The following HCAR2 variants were observed in gnomAD, a reference collection of about 807,000 sequenced individuals.
HCAR2 encodes the protein hydroxycarboxylic acid receptor 2, also known as G protein-coupled receptor HM74a.
For missense variants in HCAR2, 346 were observed against 476.6 expected (o/e 0.73, Z 2.55); for synonymous variants, 156 against 189.4 (o/e 0.82, Z 1.45).
chr12:122,702,479 ACACTT>A lies in HCAR2; in HGVS notation c.800_804del (p.Glu267ValfsTer52), dbSNP rs1877103156. On this transcript the variant is annotated frameshift_variant, in exon 1 of 1. Coordinates refer to ENST00000328880, the MANE Select transcript of HCAR2 (RefSeq NM_177551.4). LOFTEE classifies it low-confidence loss of function (END_TRUNC). ...AAGAACGCCAGGTCCACCGAGCGGT[ACACTT>A]CACAATTCTGCGTGCCCGAAGTGTG... The A allele has an allele frequency of 1.2e-6, 2 of 1,614,026 alleles. No individual in the cohort carries two copies. Among genetic ancestry groups the A allele is most frequent in the South Asian group, 2.2e-5 (2 of 91,080 alleles).
At position 122,702,449 on chromosome 12, in the gene HCAR2, T is replaced by A; in HGVS notation, c.835A>T (p.Thr279Ser). ...YRSVDLAFFI[T>S]LSFTYMNSML... ...CTGTTCATGTAGGTGAAGCTGAGAG[T>A]GATAAAGAACGCCAGGTCCACCGAG... The change falls in exon 1 of 1, where the codon ACT becomes TCT. Residue 279 changes from threonine to serine, a missense_variant. By Grantham distance (58) the Thr-to-Ser change is moderately conservative. Transcript: ENST00000328880. The A allele has an allele frequency of 6.2e-7, 1 of 1,613,808 alleles. No individual in the cohort carries two copies.
rs1258356557 is a variant in HCAR2 at position 122,701,469 on chromosome 12, C to T, written c.*723G>A. On this transcript the variant is annotated 3_prime_UTR_variant, in exon 1 of 1. Coordinates refer to ENST00000328880, the MANE Select transcript of HCAR2 (RefSeq NM_177551.4). ...TTCTATCCTGAAGCCGTTTTAACTG[C>T]CCAACCCTTAGATTACTATAAACAA... 2.0e-5 allele frequency: 3 copies of T among 152,410 alleles called. No homozygotes were observed. Among genetic ancestry groups the T allele is most frequent in the Non-Finnish European group, 2.9e-5 (2 of 68,220 alleles). 9.4% of individuals were successfully genotyped at this position (152,410 alleles called of 1,614,324 possible).
At position 122,702,102 on chromosome 12, in the gene HCAR2, G is replaced by A. The variant is rs748086521; in HGVS notation, c.*90C>T. Reference sequence around the variant, plus strand: ...TGGAAGTTCCAGGAAACCTTAGGCCGAGTCCAGTGACATTACTCGATGCAA... The same window carrying A: ...TGGAAGTTCCAGGAAACCTTAGGCCAAGTCCAGTGACATTACTCGATGCAA... On this transcript the variant is annotated 3_prime_UTR_variant, in exon 1 of 1. Coordinates refer to ENST00000328880, the MANE Select transcript of HCAR2 (RefSeq NM_177551.4). 1.1e-5 allele frequency: 18 copies of A among 1,587,452 alleles called. No individual in the cohort carries two copies. The highest frequency in any genetic ancestry group is 1.7e-4 in the Middle Eastern group (1 of 5,952).
chr12:122,702,302 T>G lies in HCAR2; in HGVS notation c.982A>C (p.Ser328Arg), dbSNP rs1465153483. 2.5e-6 allele frequency: 4 copies of G among 1,614,118 alleles called. No homozygotes were observed. The South Asian group carries it at 4.4e-5, about 18-fold the overall frequency. The stretch of plus-strand genomic sequence containing the variant: ...TTGGGGTCCCCTGTGAGCTCGACGC[T>G]CGTGCTGCGGTTATTATCTGGCTCA... Reference protein sequence around the residue: ...TGEPDNNRSTSVELTGDPNKT... With the variant: ...TGEPDNNRSTRVELTGDPNKT... Residue 328 changes from serine (S) to arginine (R), a missense_variant, in exon 1 of 1, where the codon AGC becomes CGC. Ser to Arg is a moderately radical substitution (Grantham distance 110, BLOSUM62 -1). Coordinates refer to ENST00000328880, the MANE Select transcript of HCAR2 (RefSeq NM_177551.4).
chr12:122,703,095 C>T lies in HCAR2; in HGVS notation c.189G>A (p.Arg63=). ...CFHLKSWKSS[R]IFLFNLAVAD... The stretch of plus-strand genomic sequence containing the variant: ...CCACTGCCAGGTTGAACAGGAAAAT[C>T]CGGCTGGATTTCCAGGACTTGAGGT... The change falls in exon 1 of 1, where the codon CGG becomes CGA. Residue 63 remains arginine, a synonymous_variant. Transcript: ENST00000328880. The T allele has an allele frequency of 6.2e-7, 1 of 1,614,168 alleles. No individual in the cohort carries two copies. Among genetic ancestry groups the T allele is most frequent in the Non-Finnish European group, 8.5e-7 (1 of 1,180,040 alleles).
chr12:122,703,246 A>G lies in HCAR2; in HGVS notation c.38T>C (p.Ile13Thr), dbSNP rs199911863. The change falls in exon 1 of 1, where the codon ATA (isoleucine) becomes ACA (threonine). Residue 13 changes from isoleucine (I) to threonine (T), a missense_variant. Ile to Thr is a moderately conservative substitution (Grantham distance 89). Transcript: ENST00000328880. ...RHHLQDHFLE[I>T]DKKNCCVFRD... is the part of the protein sequence containing the mutation. The stretch of plus-strand genomic sequence containing the variant: ...GAACACACAGCAGTTCTTCTTGTCT[A>G]TTTCCAGAAAGTGATCCTGCAGATG... 8 of 1,613,944 alleles carry G rather than the reference A, an allele frequency of 5.0e-6. No individual in the cohort carries two copies. The East Asian group carries it at 8.9e-5, about 18-fold the overall frequency.
rs1244421272 is a variant in HCAR2, at chr12:122,702,555, G to A, written c.729C>T (p.Cys243=). The A allele has an allele frequency of 4.3e-6, 7 of 1,614,128 alleles. No homozygotes were observed. The South Asian group carries it at 5.5e-5, about 13-fold the overall frequency. Residue 243 remains cysteine, a synonymous_variant, in exon 1 of 1, where the codon TGC becomes TGT. Transcript: ENST00000328880. ...TCCGCACAACCACGCTGGGAAGGAA[G>A]CAGATGACAAAGACGATGGCCACCA... ...IMVVAIVFVI[C]FLPSVVVRIR... is the part of the protein sequence containing the mutation.
In HCAR2 at chr12:122,702,025, A is replaced by G. The variant is rs1258938611; in HGVS notation, c.*167T>C. The G allele has an allele frequency of 1.7e-6, 2 of 1,194,238 alleles. No homozygotes were observed. Among genetic ancestry groups the G allele is most frequent in the Non-Finnish European group, 1.2e-6 (1 of 844,972 alleles). 74.0% of individuals were successfully genotyped at this position (1,194,238 alleles called of 1,614,324 possible). A position where few individuals can be genotyped will look rare whatever the true frequency, so the allele number is the denominator to read the frequency against. On this transcript the variant is annotated 3_prime_UTR_variant, in exon 1 of 1. Coordinates refer to ENST00000328880, the MANE Select transcript of HCAR2 (RefSeq NM_177551.4). ...AGGATTCCTGCGGTCACACCTTGCAACCAGTCTCCCACTCATCTGCCACCG... is the reference window on the plus strand; with the variant it reads ...AGGATTCCTGCGGTCACACCTTGCAGCCAGTCTCCCACTCATCTGCCACCG...
chr12:122,702,581 C>T lies in HCAR2; in HGVS notation c.703G>A (p.Val235Met). 1 of 1,614,230 alleles carries T rather than the reference C, an allele frequency of 6.2e-7. No individual in the cohort carries two copies. Among genetic ancestry groups the T allele is most frequent in the Non-Finnish European group, 8.5e-7 (1 of 1,180,050 alleles). The change falls in exon 1 of 1, where the codon GTG becomes ATG. Residue 235 changes from valine (V) to methionine (M), a missense_variant. Physicochemically the swap from Val to Met is conservative, Grantham distance 21 (BLOSUM62 1). Coordinates refer to ENST00000328880, the MANE Select transcript of HCAR2 (RefSeq NM_177551.4). ...CAGATGACAAAGACGATGGCCACCA[C>T]CATGATGAAGGTGATGGCTCTCTTG... is the stretch of plus-strand genomic sequence containing the variant. ...KIKRAITFIM[V>M]VAIVFVICFL...
In HCAR2 at chr12:122,702,030, T is replaced by A; in HGVS notation, c.*162A>T. The A allele has an allele frequency of 3.3e-6, 4 of 1,219,676 alleles. No homozygotes were observed. The South Asian group carries it at 4.3e-5, about 13-fold the overall frequency. 75.6% of individuals were successfully genotyped at this position (1,219,676 alleles called of 1,614,324 possible). A position where few individuals can be genotyped will look rare whatever the true frequency, so the allele number is the denominator to read the frequency against. On this transcript the variant is annotated 3_prime_UTR_variant, in exon 1 of 1. Coordinates refer to ENST00000328880, the MANE Select transcript of HCAR2 (RefSeq NM_177551.4). ...TCCTGCGGTCACACCTTGCAACCAG[T>A]CTCCCACTCATCTGCCACCGTTTCC...
At position 122,702,988 on chromosome 12, in the gene HCAR2, G is replaced by A. The variant is rs1877124312; in HGVS notation, c.296C>T (p.Pro99Leu). The change falls in exon 1 of 1, where the codon CCT becomes CTT. Residue 99 changes from proline to leucine, a missense_variant. Physicochemically the swap from Pro to Leu is moderately conservative, Grantham distance 98. Transcript: ENST00000328880. ...CAACATGAAGAGCATCAGCCGGCAA[G>A]GGATGTCCCCAAACTTCCAGTCCCA... ...RRWDWKFGDI[P>L]CRLMLFMLAM... The A allele has an allele frequency of 1.2e-6, 2 of 1,613,970 alleles. No homozygotes were observed. The highest frequency in any genetic ancestry group is 1.1e-5 in the South Asian group (1 of 91,066).
rs757162455 is a variant in HCAR2, at chr12:122,702,329, C to T, written c.955G>A (p.Gly319Ser). The change falls in exon 1 of 1, where the codon GGT becomes AGT. Residue 319 changes from glycine (G) to serine (S), a missense_variant. Physicochemically the swap from Gly to Ser is moderately conservative, Grantham distance 56. Coordinates refer to ENST00000328880, the MANE Select transcript of HCAR2 (RefSeq NM_177551.4). Reference protein sequence around the residue: ...INRCLQRKMTGEPDNNRSTSV... With the variant: ...INRCLQRKMTSEPDNNRSTSV... The stretch of plus-strand genomic sequence containing the variant: ...GTGCTGCGGTTATTATCTGGCTCAC[C>T]TGTCATCTTCCTCTGGAGGCAGCGG... The T allele has an allele frequency of 1.2e-6, 2 of 1,614,196 alleles. No individual in the cohort carries two copies. The highest frequency in any genetic ancestry group is 1.1e-5 in the South Asian group (1 of 91,078).
Position 122,702,303 on chromosome 12 carries a change from C to T in HCAR2, c.981G>A (p.Thr327=), listed in dbSNP as rs142025654. 7.7e-4 allele frequency: 1,239 copies of T among 1,613,216 alleles called. No individual in the cohort carries two copies. The African/African-American group carries it at 0.013, about 17-fold the overall frequency. Residue 327 remains threonine, a synonymous_variant, in exon 1 of 1, where the codon ACG becomes ACA. Transcript: ENST00000328880. ...TGGGGTCCCCTGTGAGCTCGACGCT[C>T]GTGCTGCGGTTATTATCTGGCTCAC... ...MTGEPDNNRS[T]SVELTGDPNK...
rs150040336 is a variant in HCAR2, at chr12:122,702,730, G to C, written c.554C>G (p.Thr185Ser). The C allele has an allele frequency of 6.2e-6, 10 of 1,614,094 alleles. No homozygotes were observed. In the Middle Eastern group the frequency reaches 8.2e-4, roughly 133 times the overall value. ...GAACATGGCTTCGTGCCACTGGAAG[G>C]TATGGCAGATGCTGAAGCTGCTGCA... The part of the protein sequence containing the change: ...NLCSSFSICH[T>S]FQWHEAMFLL... The change falls in exon 1 of 1, where the codon ACC becomes AGC. Residue 185 changes from threonine to serine, a missense_variant. Coordinates refer to ENST00000328880, the MANE Select transcript of HCAR2 (RefSeq NM_177551.4).
In HCAR2 at chr12:122,702,116, T is replaced by G. The variant is rs777854688; in HGVS notation, c.*76A>C. The G allele has an allele frequency of 1.9e-6, 3 of 1,604,908 alleles. No homozygotes were observed. The highest frequency in any genetic ancestry group is 1.7e-6 in the Non-Finnish European group (2 of 1,176,302). The stretch of plus-strand genomic sequence containing the variant: ...AACCTTAGGCCGAGTCCAGTGACAT[T>G]ACTCGATGCAACAGCCCAACTGTTT... On this transcript the variant is annotated 3_prime_UTR_variant, in exon 1 of 1. Transcript: ENST00000328880.
At position 122,701,681 on chromosome 12, in the gene HCAR2, T is replaced by C. The variant is rs566466824; in HGVS notation, c.*511A>G. On this transcript the variant is annotated 3_prime_UTR_variant, in exon 1 of 1. Coordinates refer to ENST00000328880, the MANE Select transcript of HCAR2 (RefSeq NM_177551.4). ...TTTCTGCTAAAGCTTGTCTGAAAGA[T>C]GAATTGGTCCACGGAAGCCAGGTGA... 427 of 182,368 alleles carry C rather than the reference T, an allele frequency of 2.3e-3. No homozygotes were observed. The highest frequency in any genetic ancestry group is 4.1e-3 in the Non-Finnish European group (353 of 85,174). The allele number at this position is 182,368 out of a possible 1,614,324, so 11.3% of individuals were successfully genotyped here.
chr12:122,702,468 C>G lies in HCAR2; in HGVS notation c.816G>C (p.Val272=). ...GTQNCEVYRS[V]DLAFFITLSF... ...TGAGAGTGATAAAGAACGCCAGGTC[C>G]ACCGAGCGGTACACTTCACAATTCT... The change falls in exon 1 of 1, where the codon GTG becomes GTC. Residue 272 remains valine, a synonymous_variant. Transcript: ENST00000328880. The G allele has an allele frequency of 1.9e-6, 3 of 1,614,096 alleles. No individual in the cohort carries two copies. The highest frequency in any genetic ancestry group is 2.5e-6 in the Non-Finnish European group (3 of 1,179,972).
In HCAR2 at chr12:122,702,660, T is replaced by A; in HGVS notation, c.624A>T (p.Ser208=). Residue 208 remains serine (S), a synonymous_variant, in exon 1 of 1, where the codon TCA becomes TCT. Transcript: ENST00000328880. ...FLPLGIILFC[S]ARIIWSLRQR... Reference sequence around the variant, plus strand: ...GCCGCAGGCTCCAGATAATTCTGGCTGAGCAGAACAGGATGATGCCCAGGG... The same window carrying A: ...GCCGCAGGCTCCAGATAATTCTGGCAGAGCAGAACAGGATGATGCCCAGGG... The A allele has an allele frequency of 8.7e-6, 14 of 1,614,198 alleles. No homozygotes were observed. Among genetic ancestry groups the A allele is most frequent in the Non-Finnish European group, 1.2e-5 (14 of 1,180,038 alleles).
chr12:122,701,332 TAAGTACAGA>T lies in HCAR2; in HGVS notation c.*851_*859del, dbSNP rs1480637368. 6.6e-6 allele frequency: 1 copy of T among 152,086 alleles called. No homozygotes were observed. Among genetic ancestry groups the T allele is most frequent in the African/African-American group, 2.4e-5 (1 of 41,378 alleles). 9.4% of individuals were successfully genotyped at this position (152,086 alleles called of 1,614,324 possible). A position where few individuals can be genotyped will look rare whatever the true frequency, so the allele number is the denominator to read the frequency against. On this transcript the variant is annotated 3_prime_UTR_variant, in exon 1 of 1. Coordinates refer to ENST00000328880, the MANE Select transcript of HCAR2 (RefSeq NM_177551.4). ...ATTTATTGAAATGGTAGATTTTTGG[TAAGTACAGA>T]AACACAAGCGAAGGAACCAGGAGGA...
Sources: gnomAD v4.1 joint callset for allele counts on GRCh38, gnomAD v4.1.1 for gene constraint, MANE v1.5 for transcripts, NCBI Gene and HGNC (gene_info 2026-07-23, HGNC 2026-07-21) for gene names.